The following STX1B variants were observed in gnomAD, a reference collection of about 807,000 sequenced individuals.
The protein encoded by STX1B is syntaxin 1B.
Under a neutral mutation model 39.4 loss-of-function variants are expected in STX1B, and 7 were observed. That is an observed-to-expected ratio of 0.18 (90% confidence interval 0.10 to 0.33). The LOEUF (loss-of-function observed/expected upper bound fraction) is 0.33, where lower values mean the gene tolerates loss of function less well. Among genes scored for constraint, STX1B ranks in the 10% least tolerant of loss-of-function variants. STX1B has a pLI of 1.00. For synonymous variants in STX1B, 136 were observed against 144.1 expected, an observed-to-expected ratio of 0.94 and a Z score of 0.40; for missense variants, 198 against 383.2, an observed-to-expected ratio of 0.52 and a Z score of 4.04.
chr16:30,993,754 G>A (rs1274782266), intron 7 of STX1B, among the ~76,000 whole-genome samples: 1 of 152,154 alleles, frequency 6.6e-6, no homozygotes, highest in African/African-American at 2.4e-5. Flanking sequence ...ACTTTGGGAG[G>A]TGTGTAGATC....
At chr16:31,003,249 A>G (rs1446604702) in intron 1 of STX1B, among the ~76,000 whole-genome samples, 2 of 152,162 alleles carry the variant, frequency 1.3e-5, no homozygotes, top group Non-Finnish European at 2.9e-5. Context: ...CTTGTGTTGA[A>G]TTTCCAGACA....
chr16:31,010,233 T>C, intron 1 of STX1B, 134 bp downstream of exon 1: 1 of 587,082 alleles, frequency 1.7e-6, no homozygotes, highest in African/African-American at 1.9e-5. Context: ...CGCCTGAAGA[T>C]ACTGGGGTGC....
intron 1 of STX1B, among the ~76,000 whole-genome samples, chr16:31,006,942 C>A (rs2056657770): frequency 6.6e-6 from 1 of 152,038 alleles, no homozygotes; most frequent in Middle Eastern, 3.2e-3. Context: ...TAGACCCCAT[C>A]TCTACAAAAG....
chr16:31,000,994 G>C lies in STX1B; in HGVS notation c.214C>G (p.Gln72Glu). ...TCTGCAGTGAGATCCTCCAGCTCCT[G>C]TTTGGTCTCTGAGGGGAGGGCGAGG... ...AAPNPDEKTK[Q>E]ELEDLTADIK... is the part of the protein sequence containing the mutation. Residue 72 changes from glutamine (Q) to glutamate (E), a missense_variant, in exon 4 of 10, where the codon CAG becomes GAG. Gln to Glu is a conservative substitution (Grantham distance 29). Transcript: ENST00000215095. The C allele has an allele frequency of 6.2e-7, 1 of 1,614,186 alleles. No individual in the cohort carries two copies. Among genetic ancestry groups the C allele is most frequent in the Non-Finnish European group, 8.5e-7 (1 of 1,180,034 alleles).
chr16:31,006,256 C>T (rs957399696), intron 1 of STX1B, among the ~76,000 whole-genome samples: 1 of 152,126 alleles, frequency 6.6e-6, no homozygotes, highest in Admixed American at 6.5e-5. Flanking sequence ...CTGCTTCAGT[C>T]CATCTGTCTC....
rs10524041 is a variant in STX1B, at chr16:30,994,892, C to CTTTTTTTTT, written c.538-1417_538-1409dup. The stretch of plus-strand genomic sequence containing the variant: ...TTTGGACAGTGTTCAGTCTCCCCGT[C>CTTTTTTTTT]TTTTTTTTTTTTTTTTTTTTGGTTT... On this transcript the variant is annotated intron_variant, in intron 7 of 9. Transcript: ENST00000215095. 3.6e-3 allele frequency among the ~76,000 whole-genome samples: 358 copies of CTTTTTTTTT among 99,682 alleles called. 6 individuals carry two copies. The highest frequency in any genetic ancestry group is 0.021 in the East Asian group (39 of 1,848). The allele number at this position is 99,682 out of a possible 152,430, so 65.4% of individuals were successfully genotyped here.
chr16:30,989,319 T>TG lies in STX1B; in HGVS notation c.*3501dup, dbSNP rs1331524897. ...GGGCCTGACCTGGCCCAGGGTGGGG[T>TG]GGGGGGCTCTGGGGACAGGACATGC... On this transcript the variant is annotated 3_prime_UTR_variant, in exon 10 of 10. Transcript: ENST00000215095. The TG allele has an allele frequency of 4.6e-5, 7 of 151,006 alleles. 1 individual carries two copies. The South Asian group carries it at 8.5e-4, about 18-fold the overall frequency. 9.4% of individuals were successfully genotyped at this position (151,006 alleles called of 1,614,324 possible).
intron 4 of STX1B, among the ~76,000 whole-genome samples, chr16:31,000,490 C>T (rs2056621099): frequency 6.6e-6 from 1 of 151,574 alleles, no homozygotes; most frequent in African/African-American, 2.4e-5. Context: ...TACTACCATG[C>T]CCAGCTAATT....
rs181116808 is a variant in STX1B at position 31,003,040 on chromosome 16, C to G, written c.31-1437G>C. 7.2e-5 allele frequency among the ~76,000 whole-genome samples: 11 copies of G among 152,256 alleles called. No individual in the cohort carries two copies. In the East Asian group the frequency reaches 2.1e-3, roughly 30 times the overall value. ...TGAACCTAGACAGGGCCAGATGGGA[C>G]CTAGGTGCAGTCCACACAGCCAAAA... is the stretch of plus-strand genomic sequence containing the variant. On this transcript the variant is annotated intron_variant, in intron 1 of 9. Transcript: ENST00000215095.
intron 1 of STX1B, among the ~76,000 whole-genome samples, chr16:31,008,440 C>T (rs1567381446): frequency 6.6e-6 from 1 of 152,024 alleles, no homozygotes; most frequent in Non-Finnish European, 1.5e-5. Flanking sequence ...CTTTTCCCTC[C>T]CTCTTTCTCG....
At chr16:30,997,475 G>A in intron 5 of STX1B, 27 bp downstream of exon 5, 6 of 1,581,024 alleles carry the variant, frequency 3.8e-6, no homozygotes, top group Non-Finnish European at 5.2e-6. Flanking sequence ...GTCCCGACCC[G>A]ACCCCCAATG....
chr16:31,009,345 G>T (rs902006758), intron 1 of STX1B, among the ~76,000 whole-genome samples: 2 of 152,090 alleles, frequency 1.3e-5, no homozygotes, highest in Non-Finnish European at 2.9e-5. Context: ...TCTGTCAAGT[G>T]GGGTAATAAC....
rs149234682 is a variant in STX1B at position 30,994,108 on chromosome 16, C to T, written c.538-624G>A. On this transcript the variant is annotated intron_variant, in intron 7 of 9. Coordinates refer to ENST00000215095, the MANE Select transcript of STX1B (RefSeq NM_052874.5). Reference sequence around the variant, plus strand: ...CAGACCAAGACTATCCTGGCTAATGCGGTGAAACTCCGTCTCTACTAAAAA... The same window carrying T: ...CAGACCAAGACTATCCTGGCTAATGTGGTGAAACTCCGTCTCTACTAAAAA... Among the ~76,000 whole-genome samples, 1,394 of 150,560 alleles carry T rather than the reference C, an allele frequency of 9.3e-3. 12 individuals carry two copies. The highest frequency in any genetic ancestry group is 0.032 in the African/African-American group (1,303 of 40,890).
At chr16:30,998,116 G>T (rs767231804) in intron 4 of STX1B, among the ~76,000 whole-genome samples, 8 of 152,216 alleles carry the variant, frequency 5.3e-5, no homozygotes, top group Non-Finnish European at 1.2e-4. Context: ...CCCTCTCCCT[G>T]CCCTGTAAGG....
Position 30,992,625 on chromosome 16 carries a change from G to A in STX1B, c.*196C>T, listed in dbSNP as rs947948369. 2.0e-5 allele frequency: 11 copies of A among 537,784 alleles called. No homozygotes were observed. The highest frequency in any genetic ancestry group is 9.3e-5 in the South Asian group (4 of 43,040). 33.3% of individuals were successfully genotyped at this position (537,784 alleles called of 1,614,324 possible). ...GTGCATGTGTAATCACGCCTGCTGC[G>A]ATCTACGTGCGGGGACGGGGGGGGG... On this transcript the variant is annotated 3_prime_UTR_variant, in exon 10 of 10. Transcript: ENST00000215095.
chr16:31,000,332 G>GT (rs55729102), intron 4 of STX1B, among the ~76,000 whole-genome samples: 5 of 123,378 alleles, frequency 4.1e-5, no homozygotes, highest in Non-Finnish European at 5.2e-5. Flanking sequence ...TTTGTTTTTT[G>GT]TTTTTTTTTT....
At chr16:31,008,076 C>T (rs1433859560) in intron 1 of STX1B, among the ~76,000 whole-genome samples, 1 of 151,984 alleles carries the variant, frequency 6.6e-6, no homozygotes, top group East Asian at 1.9e-4. Context: ...GCTAATGTCC[C>T]CTCCCACCAC....
In STX1B at chr16:30,996,932, G is replaced by A. The variant is rs1411122570; in HGVS notation, c.463+19C>T. 1 of 1,605,744 alleles carries A rather than the reference G, an allele frequency of 6.2e-7. No individual in the cohort carries two copies. Among genetic ancestry groups the A allele is most frequent in the Non-Finnish European group, 8.5e-7 (1 of 1,174,754 alleles). ...CAGCCTCAAGGAGTTCGGGGTCCTGGGGTGGGGGGCACACGCACTGATCTC... is the reference window on the plus strand; with the variant it reads ...CAGCCTCAAGGAGTTCGGGGTCCTGAGGTGGGGGGCACACGCACTGATCTC... On this transcript the variant is annotated intron_variant, in intron 6 of 9. Coordinates refer to ENST00000215095, the MANE Select transcript of STX1B (RefSeq NM_052874.5).
chr16:30,993,506 C>G, intron 7 of STX1B, 22 bp from the exon 8 acceptor site: 4 of 1,612,064 alleles, frequency 2.5e-6, no homozygotes, highest in African/African-American at 1.3e-5. Flanking sequence ...AGGGAGAGAG[C>G]TACAATCACC....
Sources: gnomAD v4.1 joint callset for allele counts (sites outside exome capture counted in the v4.1 genomes callset) on GRCh38, gnomAD v4.1.1 for gene constraint, MANE v1.5 for transcripts, NCBI Gene and HGNC (gene_info 2026-07-23, HGNC 2026-07-21) for gene names.